GSDME: variants seen among roughly 807,000 people sequenced by gnomAD.
GSDME encodes the protein gasdermin E.
In GSDME, 44 loss-of-function variants were observed where a neutral mutation model predicts 47.5. The ratio of observed to expected loss-of-function variants is 0.93; its 90% CI spans 0.73 to 1.19. The LOEUF is 1.19. GSDME is among the 50% of genes most tolerant of loss of function. GSDME has a pLI of 0.00. For synonymous variants in GSDME, 258 were observed against 252.8 expected (o/e 1.02, Z -0.20); for missense variants, 663 against 604.2 (o/e 1.10, Z -1.02).
At position 24,739,343 on chromosome 7, in the gene GSDME, G is replaced by A. The variant is rs1376242901; in HGVS notation, c.404+5219C>T. ...TCTAAATAGACATTTCTCAAAAGAC[G>A]ACATACAAATGTCAGACAGGCATAT... On this transcript the variant is annotated intron_variant, in intron 3 of 9. Coordinates refer to ENST00000645220, the MANE Select transcript of GSDME (RefSeq NM_001127453.2). This position sits in a 1 kb window ranked among gnomAD's most constrained non-coding sequence, Gnocchi z 5.1. Among the ~76,000 whole-genome samples the A allele has an allele frequency of 1.3e-5, 2 of 152,188 alleles. No individual in the cohort carries two copies. Among genetic ancestry groups the A allele is most frequent in the Non-Finnish European group, 2.9e-5 (2 of 68,004 alleles).
Position 24,706,263 on chromosome 7 carries a change from C to A in GSDME, c.1104G>T (p.Gln368His). 6.2e-7 allele frequency: 1 copy of A among 1,614,218 alleles called. No individual in the cohort carries two copies. The highest frequency in any genetic ancestry group is 8.5e-7 in the Non-Finnish European group (1 of 1,180,034). The change falls in exon 8 of 10, where the codon CAG becomes CAT. Residue 368 changes from glutamine (Q) to histidine (H), a missense_variant. By Grantham distance (24) the Gln-to-His change is conservative. Transcript: ENST00000645220. Reference protein sequence around the residue: ...AFLQLVGCSLQGGCPGPEDAG... With the variant: ...AFLQLVGCSLHGGCPGPEDAG... ...CATCCTCGGGGCCCGGACACCCACCCTGTAAGCTGCACCCCACCAGCTGCA... is the reference window on the plus strand; with the variant it reads ...CATCCTCGGGGCCCGGACACCCACCATGTAAGCTGCACCCCACCAGCTGCA...
Position 24,706,170 on chromosome 7 carries a change from T to C in GSDME, c.1183+14A>G. Reference sequence around the variant, plus strand: ...GCAGCAGCAGCCATTTCTTTCATTTTCTTTTCTCCTTACCTGCGAGGGCAC... The same window carrying C: ...GCAGCAGCAGCCATTTCTTTCATTTCCTTTTCTCCTTACCTGCGAGGGCAC... On this transcript the variant is annotated intron_variant, in intron 8 of 9. Transcript: ENST00000645220. 6.2e-7 allele frequency: 1 copy of C among 1,614,158 alleles called. No individual in the cohort carries two copies.
intron 3 of GSDME, among the ~76,000 whole-genome samples, chr7:24,727,154 T>G (rs886832193): frequency 2.0e-5 from 3 of 152,088 alleles, no homozygotes; most frequent in African/African-American, 7.2e-5. Flanking sequence ...ATGGCCCTGA[T>G]CACCTAGATC....
the GSDME span, among the ~76,000 whole-genome samples, chr7:24,782,338 T>C: frequency 6.6e-6 from 1 of 151,928 alleles, no homozygotes; most frequent in African/African-American, 2.4e-5. Flanking sequence ...GTCCTTGCGA[T>C]AGTTTGCTCA....
intron 3 of GSDME, among the ~76,000 whole-genome samples, chr7:24,741,187 C>CA (rs1311233270): frequency 6.6e-6 from 1 of 152,112 alleles, no homozygotes; most frequent in Non-Finnish European, 1.5e-5. Context: ...TTAGAAGCAA[C>CA]AAGCTAGTGG....
At chr7:24,794,136 T>C in the GSDME span, among the ~76,000 whole-genome samples, 1 of 150,814 alleles carries the variant, frequency 6.6e-6, no homozygotes, top group Non-Finnish European at 1.5e-5. Context: ...TAACTACTTG[T>C]ATATCTCTCT....
chr7:24,725,593 G>A lies in GSDME; in HGVS notation c.405-6375C>T, dbSNP rs1275518553. On this transcript the variant is annotated intron_variant, in intron 3 of 9. Transcript: ENST00000645220. The surrounding 1 kb of genome is among the most constrained non-coding windows in gnomAD (Gnocchi z 5.1). ...CTAAGGGGGTGCGCATGAGAGGGTCGTGATCGATTGAGCAAGCAGTGGGTA... is the reference window on the plus strand; with the variant it reads ...CTAAGGGGGTGCGCATGAGAGGGTCATGATCGATTGAGCAAGCAGTGGGTA... Among the ~76,000 whole-genome samples the A allele has an allele frequency of 6.6e-6, 1 of 152,164 alleles. No homozygotes were observed. The highest frequency in any genetic ancestry group is 1.5e-5 in the Non-Finnish European group (1 of 68,036).
At chr7:24,731,364 G>C (rs932413942) in intron 3 of GSDME, among the ~76,000 whole-genome samples, 1 of 152,260 alleles carries the variant, frequency 6.6e-6, no homozygotes, top group Admixed American at 6.5e-5. Context: ...TTGCATGCAA[G>C]AACCAGAGCC....
Position 24,745,229 on chromosome 7 carries a change from G to A in GSDME, c.212-475C>T, listed in dbSNP as rs1790630745. ...TACTTTTCCAGGGTGAAGACTGAAAGGGACTAGACAAAGAAGACAACTAAA... is the reference window on the plus strand; with the variant it reads ...TACTTTTCCAGGGTGAAGACTGAAAAGGACTAGACAAAGAAGACAACTAAA... On this transcript the variant is annotated intron_variant, in intron 2 of 9. Coordinates refer to ENST00000645220, the MANE Select transcript of GSDME (RefSeq NM_001127453.2). This position sits in a 1 kb window ranked among gnomAD's most constrained non-coding sequence, Gnocchi z 4.4. Among the ~76,000 whole-genome samples, 1 of 152,148 alleles carries A rather than the reference G, an allele frequency of 6.6e-6. No individual in the cohort carries two copies. Among genetic ancestry groups the A allele is most frequent in the South Asian group, 2.1e-4 (1 of 4,818 alleles).
rs1399648223 is a variant in GSDME at position 24,721,143 on chromosome 7, T to C, written c.405-1925A>G. 6.6e-6 allele frequency among the ~76,000 whole-genome samples: 1 copy of C among 152,132 alleles called. No homozygotes were observed. The highest frequency in any genetic ancestry group is 1.5e-5 in the Non-Finnish European group (1 of 68,026). On this transcript the variant is annotated intron_variant, in intron 3 of 9. Transcript: ENST00000645220. The surrounding 1 kb of genome is among the most constrained non-coding windows in gnomAD (Gnocchi z 4.1). Reference sequence around the variant, plus strand: ...TTCCTAGTTGAGGTGACGAAGAAGTTCTAGAAATGCAGAGTAGAGATGACG... The same window carrying C: ...TTCCTAGTTGAGGTGACGAAGAAGTCCTAGAAATGCAGAGTAGAGATGACG...
intron 5 of GSDME, 112 bp downstream of exon 5, chr7:24,717,142 C>G (rs1161284650): frequency 8.5e-7 from 1 of 1,173,164 alleles, no homozygotes; most frequent in African/African-American, 1.5e-5. Flanking sequence ...ACCTCTTTCC[C>G]TCTCTTCCCA....
At chr7:24,768,645 A>T in the GSDME span, among the ~76,000 whole-genome samples, 1 of 152,130 alleles carries the variant, frequency 6.6e-6, no homozygotes, top group African/African-American at 2.4e-5. This position sits in a 1 kb window ranked among gnomAD's most constrained non-coding sequence, Gnocchi z 5.6. Flanking sequence ...GAGGTTGTCA[A>T]CCCTTGAAAC....
chr7:24,699,542 G>A (rs1296249246), intron 9 of GSDME, among the ~76,000 whole-genome samples: 2 of 152,162 alleles, frequency 1.3e-5, no homozygotes, highest in East Asian at 1.9e-4. Flanking sequence ...GTTTCACCGT[G>A]TTGGCCAGGC....
At position 24,729,855 on chromosome 7, in the gene GSDME, C is replaced by T. The variant is rs372577723; in HGVS notation, c.405-10637G>A. 1.1e-4 allele frequency among the ~76,000 whole-genome samples: 17 copies of T among 152,232 alleles called. No individual in the cohort carries two copies. In the East Asian group the frequency reaches 2.5e-3, roughly 22 times the overall value. ...GGCATGGCTGGGCAGTAAGGGGATC[C>T]GACTGGCTACCCTGTGGAGAATCAA... On this transcript the variant is annotated intron_variant, in intron 3 of 9. Coordinates refer to ENST00000645220, the MANE Select transcript of GSDME (RefSeq NM_001127453.2).
chr7:24,718,937 A>C, intron 4 of GSDME, 110 bp downstream of exon 4: 1 of 1,260,918 alleles, frequency 7.9e-7, no homozygotes, highest in Non-Finnish European at 1.1e-6. Context: ...GTTTCTGTTA[A>C]CTTGCTACGG....
At chr7:24,753,227 A>C (rs1790911969) in intron 1 of GSDME, among the ~76,000 whole-genome samples, 1 of 152,228 alleles carries the variant, frequency 6.6e-6, no homozygotes, top group Non-Finnish European at 1.5e-5. Flanking sequence ...TAAAGGATAC[A>C]CATTGAGAAA....
At chr7:24,717,905 A>G (rs1257501486) in intron 4 of GSDME, among the ~76,000 whole-genome samples, 1 of 152,194 alleles carries the variant, frequency 6.6e-6, no homozygotes, top group Non-Finnish European at 1.5e-5. Context: ...TCAGGCACCA[A>G]GCTCCTGCCT....
intron 5 of GSDME, among the ~76,000 whole-genome samples, chr7:24,713,223 T>C (rs1211829470): frequency 2.0e-5 from 3 of 152,152 alleles, no homozygotes; most frequent in Non-Finnish European, 4.4e-5. Context: ...GCAAGGCCTG[T>C]CTCTTCACCT....
Position 24,721,822 on chromosome 7 carries a change from C to A in GSDME, c.405-2604G>T, listed in dbSNP as rs1789799471. 6.6e-6 allele frequency among the ~76,000 whole-genome samples: 1 copy of A among 152,214 alleles called. No homozygotes were observed. The highest frequency in any genetic ancestry group is 6.5e-5 in the Admixed American group (1 of 15,284). ...TTCCCAGGCTGAGGCCCCATGTGAT[C>A]TGCCCTGCCCCCTGTTGACTTTATC... On this transcript the variant is annotated intron_variant, in intron 3 of 9. Coordinates refer to ENST00000645220, the MANE Select transcript of GSDME (RefSeq NM_001127453.2). This position sits in a 1 kb window ranked among gnomAD's most constrained non-coding sequence, Gnocchi z 4.1.
Sources: gnomAD v4.1 joint callset for allele counts (sites outside exome capture counted in the v4.1 genomes callset) on GRCh38, gnomAD v4.1.1 for gene constraint, Gnocchi (gnomAD v3.1) non-coding constraint, MANE v1.5 for transcripts, NCBI Gene and HGNC (gene_info 2026-07-23, HGNC 2026-07-21) for gene names.